Variants in KCNN2 observed in about 807,000 individuals in gnomAD.
KCNN2 encodes small conductance calcium-activated potassium channel protein 2.
In KCNN2, 24 loss-of-function variants were observed where a neutral mutation model predicts 55.5. That is an observed-to-expected ratio of 0.43 (90% confidence interval 0.31 to 0.61). KCNN2 has a LOEUF of 0.61. Among genes scored for constraint, KCNN2 ranks in the 20% least tolerant of loss-of-function variants. The pLI, the probability that KCNN2 is intolerant of heterozygous loss-of-function variation, is 0.08. For synonymous variants in KCNN2, 431 were observed against 336.1 expected (o/e 1.28, Z -3.09); for missense variants, 754 against 853.6 (o/e 0.88, Z 1.45).
intron 1 of KCNN2, among the ~76,000 whole-genome samples, chr5:114,198,736 T>G (rs2112569895): frequency 6.6e-6 from 1 of 152,226 alleles, no homozygotes; most frequent in South Asian, 2.1e-4. Flanking sequence ...TTGTATAGTC[T>G]TGGGAGTTCC....
intron 4 of KCNN2, among the ~76,000 whole-genome samples, chr5:114,472,207 C>G (rs1761775772): frequency 6.6e-6 from 1 of 150,878 alleles, no homozygotes; most frequent in African/African-American, 2.4e-5. Flanking sequence ...TGCCTGGACC[C>G]TCCAATCGGT....
In KCNN2 at chr5:114,095,645, A is replaced by G. The variant is rs143175393; in HGVS notation, c.-271+39145A>G. ...TTTAAGCACCATTCAGTTGGCCTTA[A>G]TTTTCTTATTTGCATTTTCTACCTT... On this transcript the variant is annotated intron_variant, in intron 1 of 10. Transcript: ENST00000512097. Among the ~76,000 whole-genome samples the G allele has an allele frequency of 7.2e-4, 109 of 152,150 alleles. 1 individual carries two copies. Among genetic ancestry groups the G allele is most frequent in the African/African-American group, 2.6e-3 (108 of 41,518 alleles).
chr5:114,391,942 G>T (rs1040768285), intron 2 of KCNN2, among the ~76,000 whole-genome samples: 1 of 152,076 alleles, frequency 6.6e-6, no homozygotes, highest in Non-Finnish European at 1.5e-5. Context: ...TCTATTTAGG[G>T]CTGGAGGAAG....
At chr5:114,169,582 C>G (rs17136332) in intron 1 of KCNN2, among the ~76,000 whole-genome samples, 1 of 152,046 alleles carries the variant, frequency 6.6e-6, no homozygotes, top group African/African-American at 2.4e-5. Context: ...AGGAAGAATG[C>G]GACAGAGCCG....
At chr5:114,375,171 T>C (rs950080051) in intron 2 of KCNN2, among the ~76,000 whole-genome samples, 3 of 152,166 alleles carry the variant, frequency 2.0e-5, no homozygotes, top group Non-Finnish European at 4.4e-5. Flanking sequence ...TTTAATTTTT[T>C]ACTGTGTGGC....
chr5:114,434,624 T>C (rs1251469007), intron 3 of KCNN2, among the ~76,000 whole-genome samples: 1 of 152,202 alleles, frequency 6.6e-6, no homozygotes, highest in Non-Finnish European at 1.5e-5. Flanking sequence ...CCTATTGATA[T>C]CAGTAGTGGT....
chr5:114,324,950 C>T (rs1402463624), intron 2 of KCNN2, among the ~76,000 whole-genome samples: 2 of 152,142 alleles, frequency 1.3e-5, no homozygotes, highest in African/African-American at 4.8e-5. Flanking sequence ...TCATCATGAA[C>T]AGACTGTTAG....
At chr5:114,231,964 T>C (rs982887818) in intron 2 of KCNN2, among the ~76,000 whole-genome samples, 1 of 150,596 alleles carries the variant, frequency 6.6e-6, no homozygotes, top group African/African-American at 2.5e-5. Context: ...AAAATCAGTT[T>C]AAATGAATTG....
intron 4 of KCNN2, 24 bp downstream of exon 4, chr5:114,463,214 C>A: frequency 6.3e-7 from 1 of 1,593,432 alleles, no homozygotes; most frequent in Non-Finnish European, 8.6e-7. Context: ...TACTTCACAT[C>A]TCTTTTATTT....
intron 2 of KCNN2, among the ~76,000 whole-genome samples, chr5:114,285,549 C>T (rs1372059351): frequency 1.3e-5 from 2 of 152,038 alleles, no homozygotes; most frequent in Non-Finnish European, 2.9e-5. Context: ...GGATTGTCTC[C>T]TAAAATTATA....
At chr5:114,291,848 A>G (rs566280531) in intron 2 of KCNN2, among the ~76,000 whole-genome samples, 2 of 152,196 alleles carry the variant, frequency 1.3e-5, no homozygotes, top group South Asian at 2.1e-4. Context: ...CCTCTCCAGC[A>G]CCTATTGTTT....
At chr5:114,226,883 A>G (rs1302522323) in intron 2 of KCNN2, among the ~76,000 whole-genome samples, 1 of 143,580 alleles carries the variant, frequency 7.0e-6, no homozygotes, top group African/African-American at 2.6e-5. Flanking sequence ...CCTGGGCAAC[A>G]CAGCGAGACT....
chr5:114,290,063 G>A (rs1165481471), intron 2 of KCNN2, among the ~76,000 whole-genome samples: 1 of 152,178 alleles, frequency 6.6e-6, no homozygotes, highest in Non-Finnish European at 1.5e-5. Flanking sequence ...ATATTGGCCT[G>A]TAGTCTTCTC....
chr5:114,336,616 C>G (rs62382918), intron 2 of KCNN2, among the ~76,000 whole-genome samples: 1 of 152,160 alleles, frequency 6.6e-6, no homozygotes, highest in Non-Finnish European at 1.5e-5. Context: ...ATAATTAAAA[C>G]TTGTTTATCT....
At chr5:114,298,339 G>T (rs968427421) in intron 2 of KCNN2, among the ~76,000 whole-genome samples, 2 of 152,196 alleles carry the variant, frequency 1.3e-5, no homozygotes, top group Non-Finnish European at 2.9e-5. Flanking sequence ...AGATGCCACA[G>T]ATAGTGTGAA....
chr5:114,349,843 C>A (rs1033436315), intron 2 of KCNN2, among the ~76,000 whole-genome samples: 1 of 151,996 alleles, frequency 6.6e-6, no homozygotes, highest in African/African-American at 2.4e-5. Context: ...TTCCAAAGCA[C>A]CTGTCCCATT....
intron 1 of KCNN2, among the ~76,000 whole-genome samples, chr5:114,163,308 C>T (rs1397335536): frequency 2.0e-5 from 3 of 152,104 alleles, no homozygotes; most frequent in Admixed American, 2.0e-4. Context: ...ATTGCCCTGG[C>T]CGGAACTTCC....
chr5:114,132,434 TG>T (rs1210658441), intron 1 of KCNN2, among the ~76,000 whole-genome samples: 5 of 152,212 alleles, frequency 3.3e-5, no homozygotes, highest in Admixed American at 2.6e-4. Context: ...GAAGATCAGA[TG>T]GTTGTAGATG....
chr5:114,079,150 C>T (rs910172591), intron 1 of KCNN2, among the ~76,000 whole-genome samples: 18 of 152,022 alleles, frequency 1.2e-4, no homozygotes, highest in Admixed American at 4.6e-4. Flanking sequence ...TGGGTAAAAT[C>T]AAGGAAATTT....
Sources: allele counts gnomAD v4.1 joint callset (sites outside exome capture counted in the v4.1 genomes callset), GRCh38; gene constraint gnomAD v4.1.1; transcripts MANE v1.5; gene names NCBI Gene and HGNC (gene_info 2026-07-23, HGNC 2026-07-21).